Variants in INPP4B observed in about 807,000 individuals in gnomAD.
INPP4B encodes inositol polyphosphate 4-phosphatase type II.
Under a neutral mutation model 122.5 loss-of-function variants are expected in INPP4B, and 55 were observed. That is an observed-to-expected ratio of 0.45 (90% CI 0.36 to 0.56). The LOEUF is 0.56. Ranked by LOEUF, INPP4B falls within the 20% of genes least tolerant of loss-of-function variation. The pLI is 0.00. For synonymous variants in INPP4B, 403 were observed against 388.7 expected (o/e 1.04, Z -0.43); for missense variants, 1,000 against 1,097.7 (o/e 0.91, Z 1.26).
chr4:142,497,737 C>A (rs1822776995), intron 2 of INPP4B, among the ~76,000 whole-genome samples: 1 of 152,128 alleles, frequency 6.6e-6, no homozygotes, highest in South Asian at 2.1e-4. Flanking sequence ...TCCTAATTTT[C>A]TCCTACCAGT....
chr4:142,147,002 A>G (rs551569955), intron 17 of INPP4B, among the ~76,000 whole-genome samples: 2 of 152,292 alleles, frequency 1.3e-5, no homozygotes, highest in South Asian at 4.1e-4. Context: ...AGATATCACA[A>G]TAGACGACTG....
At chr4:142,191,013 G>T (rs1835560979) in intron 15 of INPP4B, among the ~76,000 whole-genome samples, 1 of 150,362 alleles carries the variant, frequency 6.7e-6, no homozygotes, top group Non-Finnish European at 1.5e-5. Flanking sequence ...AAATTTAATT[G>T]AGGAAAAAAA....
At chr4:142,679,572 G>A (rs1758298345) in intron 2 of INPP4B, among the ~76,000 whole-genome samples, 1 of 151,750 alleles carries the variant, frequency 6.6e-6, no homozygotes, top group Admixed American at 6.6e-5. Context: ...TAGTAAGGTT[G>A]AGAAGTGCCA....
intron 2 of INPP4B, among the ~76,000 whole-genome samples, chr4:142,610,360 A>G (rs1742207934): frequency 6.6e-6 from 1 of 152,186 alleles, no homozygotes; most frequent in Non-Finnish European, 1.5e-5. Context: ...AGTCTTGGCT[A>G]TGTCTTTATT....
intron 5 of INPP4B, among the ~76,000 whole-genome samples, chr4:142,406,801 T>C (rs972064680): frequency 1.3e-5 from 2 of 152,244 alleles, no homozygotes; most frequent in African/African-American, 4.8e-5. Flanking sequence ...TAATTATCTC[T>C]CTATTCCTTA....
intron 2 of INPP4B, among the ~76,000 whole-genome samples, chr4:142,487,030 A>T (rs1560713090): frequency 6.6e-6 from 1 of 152,038 alleles, no homozygotes; most frequent in African/African-American, 2.4e-5. Context: ...TTTGGGAGGG[A>T]CCCGGTGAAA....
chr4:142,577,149 A>C (rs1157802847), intron 2 of INPP4B, among the ~76,000 whole-genome samples: 1 of 151,936 alleles, frequency 6.6e-6, no homozygotes, highest in Non-Finnish European at 1.5e-5. Context: ...CTATATGTAC[A>C]TTTTTTGTGT....
At chr4:142,490,115 C>T (rs1024131185) in intron 2 of INPP4B, among the ~76,000 whole-genome samples, 14 of 151,766 alleles carry the variant, frequency 9.2e-5, no homozygotes, top group African/African-American at 3.4e-4. Context: ...TCTTGCTCTG[C>T]TACTCAGGCT....
intron 5 of INPP4B, among the ~76,000 whole-genome samples, chr4:142,424,212 C>T (rs1281151097): frequency 6.6e-6 from 1 of 151,836 alleles, no homozygotes; most frequent in African/African-American, 2.4e-5. Flanking sequence ...CCCTAATATT[C>T]TTAGATACCC....
intron 2 of INPP4B, among the ~76,000 whole-genome samples, chr4:142,676,406 C>T (rs1277427226): frequency 6.6e-6 from 1 of 152,048 alleles, no homozygotes; most frequent in African/African-American, 2.4e-5. Context: ...ATTAAAATGG[C>T]CATACTGCCC....
chr4:142,455,815 G>A (rs1456980352), intron 3 of INPP4B, among the ~76,000 whole-genome samples: 1 of 151,920 alleles, frequency 6.6e-6, no homozygotes, highest in African/African-American at 2.4e-5. Flanking sequence ...GCCAGCATTT[G>A]TTATTTCCTG....
At chr4:142,083,013 C>A (rs759172853) in intron 24 of INPP4B, among the ~76,000 whole-genome samples, 17 of 151,568 alleles carry the variant, frequency 1.1e-4, no homozygotes, top group Non-Finnish European at 1.9e-4. Context: ...GTAGTCCCAG[C>A]TACTAGGGAG....
intron 11 of INPP4B, among the ~76,000 whole-genome samples, chr4:142,243,903 A>T (rs192369174): frequency 2.0e-5 from 3 of 150,750 alleles, no homozygotes; most frequent in Admixed American, 2.0e-4. Flanking sequence ...AAACTTTATT[A>T]TTATTATTAT....
chr4:142,175,390 T>C (rs1027768435), intron 15 of INPP4B, among the ~76,000 whole-genome samples: 3 of 152,038 alleles, frequency 2.0e-5, no homozygotes, highest in Non-Finnish European at 4.4e-5. Context: ...ATAATGAATA[T>C]TCCTCCTATT....
chr4:142,698,456 CT>C (rs1053184159), intron 2 of INPP4B, among the ~76,000 whole-genome samples: 3 of 152,032 alleles, frequency 2.0e-5, no homozygotes, highest in African/African-American at 7.2e-5. Flanking sequence ...TTTATTAGGA[CT>C]ATTCATTTTC....
At chr4:142,032,579 T>A (rs72716482) in intron 25 of INPP4B, among the ~76,000 whole-genome samples, 3,864 of 152,258 alleles carry the variant, frequency 0.025, 77 homozygotes, top group Non-Finnish European at 0.035. Flanking sequence ...TTCATGTATT[T>A]CAAAAAATAT....
At chr4:142,164,996 A>T (rs1461228304) in intron 16 of INPP4B, among the ~76,000 whole-genome samples, 1 of 151,730 alleles carries the variant, frequency 6.6e-6, no homozygotes, top group Non-Finnish European at 1.5e-5. Flanking sequence ...AAGGGACCTT[A>T]AATCACTTTC....
At chr4:142,108,616 T>C (rs1578926497) in intron 22 of INPP4B, among the ~76,000 whole-genome samples, 1 of 152,186 alleles carries the variant, frequency 6.6e-6, no homozygotes, top group East Asian at 1.9e-4. Flanking sequence ...AGACCAGCAC[T>C]GGACACTGGG....
intron 16 of INPP4B, among the ~76,000 whole-genome samples, chr4:142,161,468 A>G (rs1397418281): frequency 6.6e-6 from 1 of 151,964 alleles, no homozygotes; most frequent in Non-Finnish European, 1.5e-5. Context: ...ATACTCTGTA[A>G]TCTCTTAGGA....
Sources: gnomAD v4.1 joint callset for allele counts (sites outside exome capture counted in the v4.1 genomes callset) on GRCh38, gnomAD v4.1.1 for gene constraint, MANE v1.5 for transcripts, NCBI Gene and HGNC (gene_info 2026-07-23, HGNC 2026-07-21) for gene names.